Variants in EVI5 observed in about 807,000 individuals in gnomAD.
EVI5 encodes ecotropic viral integration site 5 protein homolog.
A neutral mutation model predicts 112.0 loss-of-function variants in EVI5; 73 were observed. The ratio of observed to expected loss-of-function variants is 0.65; its 90% CI spans 0.54 to 0.79. The LOEUF is 0.79. Among genes scored for constraint, EVI5 ranks in the 30% least tolerant of loss-of-function variants. The pLI, the probability that EVI5 is intolerant of heterozygous loss-of-function variation, is 0.00. For missense variants in EVI5, 900 were observed against 968.8 expected (o/e 0.93, Z 0.94); for synonymous variants, 305 against 319.9 (o/e 0.95, Z 0.50).
At chr1:92,597,362 T>A (rs957886421) in intron 18 of EVI5, among the ~76,000 whole-genome samples, 1 of 152,188 alleles carries the variant, frequency 6.6e-6, no homozygotes, top group Non-Finnish European at 1.5e-5. Flanking sequence ...AGCAAAAAAA[T>A]TCTGATAATA....
intron 18 of EVI5, among the ~76,000 whole-genome samples, chr1:92,566,421 A>G (rs886554545): frequency 3.3e-5 from 5 of 152,166 alleles, no homozygotes; most frequent in Admixed American, 1.3e-4. Context: ...AGTAAAACAC[A>G]TTACTCGTGT....
At chr1:92,671,829 A>G (rs7519694) in intron 10 of EVI5, among the ~76,000 whole-genome samples, 137,558 of 149,200 alleles carry the variant, frequency 0.92, 63,456 homozygotes, top group East Asian at 0.97. Context: ...TTAAGACAGG[A>G]TTTCACTCTG....
intron 18 of EVI5, among the ~76,000 whole-genome samples, chr1:92,574,091 C>A (rs1049324998): frequency 6.6e-6 from 1 of 151,860 alleles, no homozygotes; most frequent in African/African-American, 2.4e-5. Context: ...GAATATTGTA[C>A]CAAGAGCAGT....
chr1:92,571,182 C>T lies in EVI5; in HGVS notation c.2071-7445G>A, dbSNP rs910031437. ...TTGCTTCTGTGGTGAGGCACACATA[C>T]ATAAACACATGCACACACACTCAGA... On this transcript the variant is annotated intron_variant, in intron 18 of 19. Coordinates refer to ENST00000684568, the MANE Select transcript of EVI5 (RefSeq NM_001350197.2). 4.0e-5 allele frequency among the ~76,000 whole-genome samples: 6 copies of T among 148,654 alleles called. No individual in the cohort carries two copies. In the Admixed American group the frequency reaches 4.1e-4, roughly 10 times the overall value.
At chr1:92,768,450 G>A (rs1170080575) in intron 1 of EVI5, among the ~76,000 whole-genome samples, 3 of 152,304 alleles carry the variant, frequency 2.0e-5, no homozygotes, top group Non-Finnish European at 4.4e-5. Flanking sequence ...TAGGCAAGTA[G>A]GTATTCTGTC....
intron 2 of EVI5, among the ~76,000 whole-genome samples, chr1:92,720,517 A>G (rs1466544220): frequency 6.6e-6 from 1 of 152,234 alleles, no homozygotes; most frequent in African/African-American, 2.4e-5. Flanking sequence ...CCTTATACAA[A>G]AAGTAATTCA....
chr1:92,746,103 C>T (rs532718136), intron 1 of EVI5, among the ~76,000 whole-genome samples: 1 of 152,196 alleles, frequency 6.6e-6, no homozygotes, highest in South Asian at 2.1e-4. Context: ...AACCCATGTT[C>T]TAATAAAGCA....
At chr1:92,527,126 T>C (rs1662014034) in intron 19 of EVI5, among the ~76,000 whole-genome samples, 1 of 151,932 alleles carries the variant, frequency 6.6e-6, no homozygotes, top group South Asian at 2.1e-4. Context: ...TTCAAGAATG[T>C]ATTTAGGGCC....
chr1:92,523,676 G>A (rs1342638536), intron 19 of EVI5, among the ~76,000 whole-genome samples: 1 of 152,094 alleles, frequency 6.6e-6, no homozygotes, highest in Non-Finnish European at 1.5e-5. Flanking sequence ...CATTCTCACT[G>A]GCTATTCAAC....
intron 14 of EVI5, among the ~76,000 whole-genome samples, chr1:92,627,087 T>C (rs1020816546): frequency 1.4e-4 from 21 of 152,200 alleles, no homozygotes; most frequent in African/African-American, 4.6e-4. Flanking sequence ...TAGTGGTGAT[T>C]TGTGAGATTT....
At chr1:92,584,581 T>C (rs1571702778) in intron 18 of EVI5, among the ~76,000 whole-genome samples, 3 of 152,304 alleles carry the variant, frequency 2.0e-5, no homozygotes, top group Non-Finnish European at 4.4e-5. Context: ...GAAAAATTAA[T>C]CAGAATGGTA....
intron 13 of EVI5, among the ~76,000 whole-genome samples, chr1:92,648,098 G>A (rs1214314775): frequency 7.1e-6 from 1 of 140,410 alleles, no homozygotes; most frequent in Non-Finnish European, 1.5e-5. Flanking sequence ...TGTAATCCCA[G>A]CACTTTGGGA....
intron 1 of EVI5, among the ~76,000 whole-genome samples, chr1:92,747,774 G>A (rs1679533688): frequency 2.0e-5 from 3 of 150,136 alleles, no homozygotes; most frequent in Non-Finnish European, 4.4e-5. Context: ...AGTTCTGGAG[G>A]CTAGAAGTCC....
intron 13 of EVI5, among the ~76,000 whole-genome samples, chr1:92,640,784 GT>G (rs779995781): frequency 1.2e-4 from 18 of 152,254 alleles, no homozygotes; most frequent in South Asian, 1.0e-3. Context: ...ACATACATAT[GT>G]TTACCGCAGC....
chr1:92,566,418 C>T (rs1669499987), intron 18 of EVI5, among the ~76,000 whole-genome samples: 1 of 152,122 alleles, frequency 6.6e-6, no homozygotes, highest in Non-Finnish European at 1.5e-5. Context: ...CATAGTAAAA[C>T]ACATTACTCG....
chr1:92,654,240 C>G (rs1015124241), intron 13 of EVI5, among the ~76,000 whole-genome samples: 2 of 152,098 alleles, frequency 1.3e-5, no homozygotes, highest in African/African-American at 4.8e-5. Context: ...CAGGCTCTTA[C>G]CCACAACCAC....
intron 9 of EVI5, among the ~76,000 whole-genome samples, chr1:92,690,786 A>G (rs945496368): frequency 1.3e-5 from 2 of 152,224 alleles, no homozygotes; most frequent in Non-Finnish European, 2.9e-5. Flanking sequence ...CATAATAAAG[A>G]AATCTGTCAT....
At chr1:92,578,258 T>C (rs960342150) in intron 18 of EVI5, among the ~76,000 whole-genome samples, 1 of 152,356 alleles carries the variant, frequency 6.6e-6, no homozygotes, top group Non-Finnish European at 1.5e-5. Context: ...TACCCCCATA[T>C]GGTGGATTCT....
chr1:92,756,089 C>G (rs1680911958), intron 1 of EVI5: 1 of 273,496 alleles, frequency 3.7e-6, no homozygotes, highest in African/African-American at 2.2e-5. Context: ...GCAAGTAAAT[C>G]TGAAGAAAAA....
Sources: gnomAD v4.1 joint callset for allele counts (sites outside exome capture counted in the v4.1 genomes callset) on GRCh38, gnomAD v4.1.1 for gene constraint, MANE v1.5 for transcripts, NCBI Gene and HGNC (gene_info 2026-07-23, HGNC 2026-07-21) for gene names.